RNF169: variants seen among roughly 807,000 people sequenced by gnomAD.
RNF169 encodes the protein E3 ubiquitin-protein ligase RNF169.
In RNF169, 24 loss-of-function variants were observed where a neutral mutation model predicts 53.9. That is an observed-to-expected ratio of 0.45 (90% CI 0.32 to 0.63). RNF169 has a LOEUF of 0.63. Ranked by LOEUF, RNF169 falls within the 20% of genes least tolerant of loss-of-function variation. The pLI is 0.04. For synonymous variants in RNF169, 396 were observed against 363.5 expected, an observed-to-expected ratio of 1.09 and a Z score of -1.02; for missense variants, 883 against 906.2, an observed-to-expected ratio of 0.97 and a Z score of 0.33.
intron 1 of RNF169, among the ~76,000 whole-genome samples, chr11:74,754,237 C>T (rs770068996): frequency 6.6e-6 from 1 of 152,028 alleles, no homozygotes; most frequent in Non-Finnish European, 1.5e-5. Context: ...ACATACTTAC[C>T]ATACAGGCTT....
At chr11:74,829,078 T>G (rs978831582) in intron 4 of RNF169, among the ~76,000 whole-genome samples, 10 of 151,990 alleles carry the variant, frequency 6.6e-5, no homozygotes, top group African/African-American at 2.2e-4. Context: ...GGGAGAAAAA[T>G]TTTTGCAATC....
chr11:74,802,540 G>A (rs2035747487), intron 2 of RNF169, among the ~76,000 whole-genome samples: 1 of 152,160 alleles, frequency 6.6e-6, no homozygotes, highest in Non-Finnish European at 1.5e-5. Flanking sequence ...CTACTTGGGA[G>A]GCTGAGGCAC....
intron 2 of RNF169, among the ~76,000 whole-genome samples, chr11:74,796,904 G>A (rs1434557286): frequency 2.0e-5 from 3 of 152,302 alleles, no homozygotes; most frequent in Non-Finnish European, 4.4e-5. Context: ...AGGCTGGAAT[G>A]CGTTGGCTAT....
At chr11:74,770,972 A>AT (rs1187273624) in intron 1 of RNF169, among the ~76,000 whole-genome samples, 2 of 151,598 alleles carry the variant, frequency 1.3e-5, no homozygotes, top group Admixed American at 6.6e-5. Context: ...TGTCTGGCTA[A>AT]TTTTTTTTAT....
chr11:74,810,768 T>G (rs1227016782), intron 3 of RNF169, among the ~76,000 whole-genome samples: 1 of 152,206 alleles, frequency 6.6e-6, no homozygotes, highest in African/African-American at 2.4e-5. Flanking sequence ...GTTTAGATAC[T>G]TAGTCTATAT....
chr11:74,836,699 T>G lies in RNF169; in HGVS notation c.2096T>G (p.Leu699Arg), dbSNP rs201424095. 34 of 1,611,594 alleles carry G rather than the reference T, an allele frequency of 2.1e-5. No individual in the cohort carries two copies. Among genetic ancestry groups the G allele is most frequent in the Non-Finnish European group, 1.7e-5 (20 of 1,179,348 alleles). The change falls in exon 6 of 6, where the codon CTA (leucine) becomes CGA (arginine). Residue 699 changes from leucine to arginine, a missense_variant. Leu to Arg is a moderately radical substitution (Grantham distance 102). Coordinates refer to ENST00000299563, the MANE Select transcript of RNF169 (RefSeq NM_001098638.2). ...AAAGGAAGTGTGGATCAGTATCTCC[T>G]ACGGTCCAGCAACATGGCCGGGGCC... ...RRKGSVDQYL[L>R]RSSNMAGAK is the part of the protein sequence containing the mutation.
chr11:74,826,902 G>T (rs1212822751), intron 4 of RNF169, among the ~76,000 whole-genome samples: 1 of 152,220 alleles, frequency 6.6e-6, no homozygotes, highest in Non-Finnish European at 1.5e-5. Context: ...CTTCCCAGCT[G>T]ATTTCACAGG....
In RNF169 at chr11:74,836,093, C is replaced by A. The variant is rs2036251712; in HGVS notation, c.1490C>A (p.Thr497Asn). ...GTCCTCTCTGAGTATACTGGACCCA[C>A]CTCTGCTGATCTTGATCATTTCCCC... ...GQVLSEYTGP[T>N]SADLDHFPSV... The change falls in exon 6 of 6, where the codon ACC (threonine) becomes AAC (asparagine). Residue 497 changes from threonine (T) to asparagine (N), a missense_variant. Physicochemically the swap from Thr to Asn is moderately conservative, Grantham distance 65. This residue lies in a region of RNF169 where 351 missense variants were observed against 337.3 expected (regional missense o/e 1.04). Coordinates refer to ENST00000299563, the MANE Select transcript of RNF169 (RefSeq NM_001098638.2). 1 of 1,614,056 alleles carries A rather than the reference C, an allele frequency of 6.2e-7. No individual in the cohort carries two copies. Among genetic ancestry groups the A allele is most frequent in the South Asian group, 1.1e-5 (1 of 91,076 alleles).
intron 1 of RNF169, among the ~76,000 whole-genome samples, chr11:74,761,533 C>A (rs2035082279): frequency 6.6e-6 from 1 of 151,204 alleles, no homozygotes; most frequent in Non-Finnish European, 1.5e-5. Context: ...TCAGCATTTG[C>A]TTGTCTGTAA....
chr11:74,812,607 G>T (rs886770496), intron 3 of RNF169, among the ~76,000 whole-genome samples: 1 of 151,846 alleles, frequency 6.6e-6, no homozygotes, highest in Non-Finnish European at 1.5e-5. Flanking sequence ...GTGTGCCTGG[G>T]CTGCTTTTAT....
intron 1 of RNF169, among the ~76,000 whole-genome samples, chr11:74,762,169 A>G (rs1264345166): frequency 1.3e-5 from 2 of 150,262 alleles, no homozygotes; most frequent in African/African-American, 4.9e-5. Flanking sequence ...TCCTTTAAAC[A>G]CTTCTCTGTA....
rs779215199 is a variant in RNF169 at position 74,835,914 on chromosome 11, C to T, written c.1311C>T (p.Ile437=). The T allele has an allele frequency of 1.2e-6, 2 of 1,614,052 alleles. No homozygotes were observed. The highest frequency in any genetic ancestry group is 1.7e-6 in the Non-Finnish European group (2 of 1,180,044). ...SPRILKKWEQ[I]FQERQIKKTL... The stretch of plus-strand genomic sequence containing the variant: ...GGATCCTCAAAAAGTGGGAACAGAT[C>T]TTTCAGGAGCGGCAGATCAAAAAGA... The change falls in exon 6 of 6, where the codon ATC becomes ATT. Residue 437 remains isoleucine, a synonymous_variant. Coordinates refer to ENST00000299563, the MANE Select transcript of RNF169 (RefSeq NM_001098638.2).
At chr11:74,807,889 T>C (rs776892363) in intron 2 of RNF169, 7 of 152,198 alleles carry the variant, frequency 4.6e-5, no homozygotes, top group Non-Finnish European at 1.0e-4. Flanking sequence ...CAAAAACTTG[T>C]ACAGAACTCC....
At position 74,775,787 on chromosome 11, in the gene RNF169, C is replaced by T. The variant is rs558563327; in HGVS notation, c.503-13839C>T. On this transcript the variant is annotated intron_variant, in intron 1 of 5. Transcript: ENST00000299563. ...CCACCATTTGATCATGTGAATCCCT[C>T]ATTTCACTGGATTAAAGTTATTTAT... Among the ~76,000 whole-genome samples, 23 of 152,282 alleles carry T rather than the reference C, an allele frequency of 1.5e-4. No individual in the cohort carries two copies. In the South Asian group the frequency reaches 4.8e-3, roughly 32 times the overall value.
At position 74,760,410 on chromosome 11, in the gene RNF169, C is replaced by G. The variant is rs916393446; in HGVS notation, c.502+11028C>G. On this transcript the variant is annotated intron_variant, in intron 1 of 5. Coordinates refer to ENST00000299563, the MANE Select transcript of RNF169 (RefSeq NM_001098638.2). Reference sequence around the variant, plus strand: ...TCTTTTAATTGTGATGTTAGGGTGTCAATTTTGGATCTTTCCTGCTTTCTC... The same window carrying G: ...TCTTTTAATTGTGATGTTAGGGTGTGAATTTTGGATCTTTCCTGCTTTCTC... Among the ~76,000 whole-genome samples the G allele has an allele frequency of 4.6e-5, 7 of 151,906 alleles. No homozygotes were observed. The South Asian group carries it at 8.3e-4, about 18-fold the overall frequency.
At chr11:74,830,096 C>T (rs566422021) in intron 4 of RNF169, among the ~76,000 whole-genome samples, 1 of 152,214 alleles carries the variant, frequency 6.6e-6, no homozygotes, top group Admixed American at 6.5e-5. Flanking sequence ...AAATTTATAG[C>T]TGTAAAAGCC....
chr11:74,806,371 A>G (rs1034495245), intron 2 of RNF169, among the ~76,000 whole-genome samples: 1 of 152,192 alleles, frequency 6.6e-6, no homozygotes, highest in African/African-American at 2.4e-5. Context: ...CTGTCATTCT[A>G]CACTGGGGAG....
intron 1 of RNF169, among the ~76,000 whole-genome samples, chr11:74,787,444 C>G (rs927835006): frequency 2.0e-5 from 3 of 152,078 alleles, no homozygotes; most frequent in South Asian, 2.1e-4. Flanking sequence ...ATATAAAATG[C>G]AAAATTTCAT....
At chr11:74,802,931 G>T (rs925595090) in intron 2 of RNF169, among the ~76,000 whole-genome samples, 2 of 151,316 alleles carry the variant, frequency 1.3e-5, no homozygotes, top group African/African-American at 2.4e-5. Flanking sequence ...TTTTTTTGGG[G>T]GGGGGTGGGG....
Sources: allele counts gnomAD v4.1 joint callset (sites outside exome capture counted in the v4.1 genomes callset), GRCh38; gene constraint gnomAD v4.1.1; regional missense constraint gnomAD v4.1.1; transcripts MANE v1.5; gene names NCBI Gene and HGNC (gene_info 2026-07-23, HGNC 2026-07-21).